The following NRXN3 variants were observed in gnomAD, a reference collection of about 807,000 sequenced individuals.
NRXN3 encodes the protein neurexin III.
In NRXN3, 32 loss-of-function variants were observed where a neutral mutation model predicts 137.6. That is an observed-to-expected ratio of 0.23 (90% confidence interval 0.18 to 0.31). The LOEUF (loss-of-function observed/expected upper bound fraction) is 0.31, where lower values mean the gene tolerates loss of function less well. NRXN3 is among the 10% of genes least tolerant of loss of function. The pLI, the probability that NRXN3 is intolerant of heterozygous loss-of-function variation, is 1.00. For synonymous variants in NRXN3, 798 were observed against 784.5 expected (o/e 1.02, Z -0.29); for missense variants, 1,574 against 2,062.5 (o/e 0.76, Z 4.59).
chr14:79,011,674 C>A (rs549204850), intron 15 of NRXN3, among the ~76,000 whole-genome samples: 2 of 152,058 alleles, frequency 1.3e-5, no homozygotes, highest in African/African-American at 2.4e-5. Context: ...GCTACACTTA[C>A]AACAGTCTTT....
chr14:79,060,178 A>G (rs889576954), intron 15 of NRXN3, among the ~76,000 whole-genome samples: 1 of 152,230 alleles, frequency 6.6e-6, no homozygotes, highest in Non-Finnish European at 1.5e-5. Flanking sequence ...GCAAAGTCCC[A>G]TTCAATGTTC....
intron 16 of NRXN3, among the ~76,000 whole-genome samples, chr14:79,631,473 C>T (rs897574117): frequency 1.9e-4 from 29 of 152,312 alleles, no homozygotes; most frequent in South Asian, 6.2e-4. Context: ...AGGTGGGAGT[C>T]GGGGCTGCAC....
chr14:78,439,846 G>A (rs2153695223), intron 4 of NRXN3, among the ~76,000 whole-genome samples: 1 of 152,274 alleles, frequency 6.6e-6, no homozygotes, highest in Non-Finnish European at 1.5e-5. Flanking sequence ...AGTAGCTCCT[G>A]AGTAAATTAT....
chr14:79,127,053 T>C (rs2056633261), intron 15 of NRXN3, among the ~76,000 whole-genome samples: 1 of 152,292 alleles, frequency 6.6e-6, no homozygotes, highest in South Asian at 2.1e-4. Flanking sequence ...TTGTTTGAGT[T>C]CATTGTAGAT....
chr14:79,249,205 T>C (rs1330986540), intron 15 of NRXN3, among the ~76,000 whole-genome samples: 2 of 151,722 alleles, frequency 1.3e-5, no homozygotes, highest in Non-Finnish European at 2.9e-5. Flanking sequence ...AAGTAGGAAG[T>C]AGGGAAAAAA....
At chr14:79,245,119 A>T (rs1052686659) in intron 15 of NRXN3, among the ~76,000 whole-genome samples, 1 of 152,124 alleles carries the variant, frequency 6.6e-6, no homozygotes, top group Non-Finnish European at 1.5e-5. Context: ...GAGGTTAATG[A>T]TGCCCATCTC....
At chr14:78,553,798 T>C in intron 4 of NRXN3, among the ~76,000 whole-genome samples, 1 of 152,224 alleles carries the variant, frequency 6.6e-6, no homozygotes. Flanking sequence ...TTTAATTTTA[T>C]CCCTCAACTC....
At chr14:78,598,326 G>C (rs1389509879) in intron 4 of NRXN3, among the ~76,000 whole-genome samples, 2 of 152,102 alleles carry the variant, frequency 1.3e-5, no homozygotes, top group Non-Finnish European at 2.9e-5. Context: ...CTGCCAAGGG[G>C]GCTCGGGATT....
chr14:79,395,492 A>AGT (rs148597704), intron 15 of NRXN3, among the ~76,000 whole-genome samples: 2 of 151,866 alleles, frequency 1.3e-5, no homozygotes, highest in African/African-American at 2.4e-5. Context: ...GCATATGTGG[A>AGT]GTGTGTGTGT....
chr14:79,720,894 A>G (rs1417827603), intron 19 of NRXN3, among the ~76,000 whole-genome samples: 1 of 152,132 alleles, frequency 6.6e-6, no homozygotes, highest in Non-Finnish European at 1.5e-5. Context: ...ATATTATTAA[A>G]ATAAATAAAT....
At chr14:78,850,249 A>C (rs1052992330) in intron 10 of NRXN3, among the ~76,000 whole-genome samples, 5 of 152,134 alleles carry the variant, frequency 3.3e-5, no homozygotes, top group Non-Finnish European at 5.9e-5. Context: ...CTAATTTTAC[A>C]GATGCGAGAA....
chr14:78,194,060 G>A (rs2060997725), intron 1 of NRXN3, among the ~76,000 whole-genome samples: 1 of 152,232 alleles, frequency 6.6e-6, no homozygotes, highest in African/African-American at 2.4e-5. Flanking sequence ...ATCTAGTCCA[G>A]TGGAGGTAAC....
chr14:78,473,141 G>A (rs2095311391), intron 4 of NRXN3, among the ~76,000 whole-genome samples: 1 of 151,920 alleles, frequency 6.6e-6, no homozygotes, highest in Admixed American at 6.6e-5. Flanking sequence ...GGTGGCTCAA[G>A]CCTGTAATCC....
intron 16 of NRXN3, among the ~76,000 whole-genome samples, chr14:79,652,683 A>T (rs570171632): frequency 6.6e-6 from 1 of 152,164 alleles, no homozygotes; most frequent in South Asian, 2.1e-4. Context: ...TCCCTGTGAC[A>T]TGTTTTCCAG....
intron 8 of NRXN3, among the ~76,000 whole-genome samples, chr14:78,783,095 C>T (rs539301185): frequency 6.6e-6 from 1 of 152,250 alleles, no homozygotes; most frequent in South Asian, 2.1e-4. Context: ...TTCTCTAATA[C>T]ATGTATCAAC....
At chr14:78,175,511 A>T (rs1195994202) in intron 1 of NRXN3, among the ~76,000 whole-genome samples, 1 of 151,964 alleles carries the variant, frequency 6.6e-6, no homozygotes, top group Non-Finnish European at 1.5e-5. Context: ...GTGGTCTGGG[A>T]CCTGCTGTGG....
intron 10 of NRXN3, among the ~76,000 whole-genome samples, chr14:78,843,081 G>A (rs1321197612): frequency 6.6e-6 from 1 of 152,156 alleles, no homozygotes; most frequent in East Asian, 1.9e-4. Context: ...GTAAAGACAA[G>A]CATAGGAAAT....
At chr14:78,488,249 T>C (rs1389601009) in intron 4 of NRXN3, among the ~76,000 whole-genome samples, 2 of 152,156 alleles carry the variant, frequency 1.3e-5, no homozygotes, top group African/African-American at 2.4e-5. Flanking sequence ...AAATCACCTA[T>C]CTCCAAATAC....
chr14:79,538,783 T>G (rs2097241629), intron 16 of NRXN3, among the ~76,000 whole-genome samples: 1 of 152,190 alleles, frequency 6.6e-6, no homozygotes, highest in Admixed American at 6.5e-5. Flanking sequence ...TGTCAGTCCC[T>G]CCTTCTGTAA....
Sources: gnomAD v4.1 joint callset for allele counts (sites outside exome capture counted in the v4.1 genomes callset) on GRCh38, gnomAD v4.1.1 for gene constraint, MANE v1.5 for transcripts, NCBI Gene and HGNC (gene_info 2026-07-23, HGNC 2026-07-21) for gene names.